The following BRIP1 variants were observed in gnomAD, a reference collection of about 807,000 sequenced individuals.
The protein encoded by BRIP1 is Fanconi anemia group J protein.
A neutral mutation model predicts 119.7 loss-of-function variants in BRIP1; 88 were observed. That is an observed-to-expected ratio of 0.74 (90% CI 0.62 to 0.88). The LOEUF is 0.88. Among genes scored for constraint, BRIP1 ranks in the 40% least tolerant of loss-of-function variants. BRIP1 has a pLI of 0.00. For missense variants in BRIP1, 1,259 were observed against 1,455.4 expected, an observed-to-expected ratio of 0.87 and a Z score of 2.20; for synonymous variants, 443 against 496.5, an observed-to-expected ratio of 0.89 and a Z score of 1.43.
chr17:61,743,229 T>G lies in BRIP1; in HGVS notation c.2258-95A>C. Reference sequence around the variant, plus strand: ...TGATTTATAATTATAGTAATTACAGTAGCAAATTTAAAATAATCAAAATAA... The same window carrying G: ...TGATTTATAATTATAGTAATTACAGGAGCAAATTTAAAATAATCAAAATAA... On this transcript the variant is annotated intron_variant, in intron 15 of 19. Coordinates refer to ENST00000259008, the MANE Select transcript of BRIP1 (RefSeq NM_032043.3). This position sits in a 1 kb window ranked among gnomAD's most constrained non-coding sequence, Gnocchi z 4.3. 1 of 1,406,116 alleles carries G rather than the reference T, an allele frequency of 7.1e-7. No homozygotes were observed. The highest frequency in any genetic ancestry group is 2.5e-5 in the East Asian group (1 of 40,340). The allele number at this position is 1,406,116 out of a possible 1,614,324, so 87.1% of individuals were successfully genotyped here.
rs773532701 is a variant in BRIP1 at position 61,857,141 on chromosome 17, T to A, written c.296A>T (p.Asp99Val). Residue 99 changes from aspartate to valine, a missense_variant, in exon 4 of 20, where the codon GAC becomes GTC. Asp to Val is a radical substitution (Grantham distance 152). Transcript: ENST00000259008. This position sits in a 1 kb window ranked among gnomAD's most constrained non-coding sequence, Gnocchi z 5.1. ...ACHSKDFTNN[D>V]MNQGTSRHFN... ...ATGACGTGAAGTTCCTTGGTTCATG[T>A]CATTGTTTGTAAAATCCTTTGAATG... 6.2e-7 allele frequency: 1 copy of A among 1,614,052 alleles called. No homozygotes were observed.
rs1042597342 is a variant in BRIP1 at position 61,756,361 on chromosome 17, T to C, written c.2098-11770A>G. Among the ~76,000 whole-genome samples the C allele has an allele frequency of 2.6e-5, 4 of 152,220 alleles. No homozygotes were observed. Among genetic ancestry groups the C allele is most frequent in the South Asian group, 2.1e-4 (1 of 4,834 alleles). Reference sequence around the variant, plus strand: ...ACACAGAGCTGTCTCTCAGGTCTTATGGCTTACATATATGAAAAATGTGAG... The same window carrying C: ...ACACAGAGCTGTCTCTCAGGTCTTACGGCTTACATATATGAAAAATGTGAG... On this transcript the variant is annotated intron_variant, in intron 14 of 19. Coordinates refer to ENST00000259008, the MANE Select transcript of BRIP1 (RefSeq NM_032043.3). The surrounding 1 kb of genome is among the most constrained non-coding windows in gnomAD (Gnocchi z 4.3).
chr17:61,783,402 T>C (rs1351682237), intron 11 of BRIP1, among the ~76,000 whole-genome samples: 1 of 152,108 alleles, frequency 6.6e-6, no homozygotes, highest in African/African-American at 2.4e-5. Context: ...GGGGAAAGAC[T>C]CTAGGGGTTA....
Position 61,699,585 on chromosome 17 carries a change from G to A in BRIP1, c.2493-6073C>T, listed in dbSNP as rs2061581368. Among the ~76,000 whole-genome samples the A allele has an allele frequency of 6.6e-6, 1 of 152,068 alleles. No individual in the cohort carries two copies. Among genetic ancestry groups the A allele is most frequent in the Non-Finnish European group, 1.5e-5 (1 of 68,028 alleles). On this transcript the variant is annotated intron_variant, in intron 17 of 19. Transcript: ENST00000259008. The surrounding 1 kb of genome is among the most constrained non-coding windows in gnomAD (Gnocchi z 4.8). Reference sequence around the variant, plus strand: ...CATCTGTCACCTTTGGGTTGTTATTGTCATATAAATTATATCTTTAAACAT... The same window carrying A: ...CATCTGTCACCTTTGGGTTGTTATTATCATATAAATTATATCTTTAAACAT...
chr17:61,858,437 G>A (rs905788380), intron 3 of BRIP1, among the ~76,000 whole-genome samples: 2 of 150,966 alleles, frequency 1.3e-5, no homozygotes, highest in African/African-American at 2.4e-5. Flanking sequence ...GCAATGGCGC[G>A]ATCTCGGCTC....
At position 61,803,367 on chromosome 17, in the gene BRIP1, G is replaced by T. The variant is rs746717169; in HGVS notation, c.919-1893C>A. ...CCAAAGTGCTGGGGATTACAGGCAT[G>T]AGCCACTGCACTCCACCCCATTCTA... is the stretch of plus-strand genomic sequence containing the variant. On this transcript the variant is annotated intron_variant, in intron 7 of 19. Transcript: ENST00000259008. The surrounding 1 kb of genome is among the most constrained non-coding windows in gnomAD (Gnocchi z 4.3). Among the ~76,000 whole-genome samples, 14 of 152,180 alleles carry T rather than the reference G, an allele frequency of 9.2e-5. No homozygotes were observed. Among genetic ancestry groups the T allele is most frequent in the Middle Eastern group, 3.4e-3 (1 of 294 alleles).
chr17:61,733,336 A>G (rs1468478339), intron 16 of BRIP1, among the ~76,000 whole-genome samples: 5 of 152,202 alleles, frequency 3.3e-5, no homozygotes, highest in Non-Finnish European at 7.3e-5. Context: ...TGGGCAATAT[A>G]GTGAGACTCT....
rs1279415150 is a variant in BRIP1, at chr17:61,738,177, G to T, written c.2379+4836C>A. Among the ~76,000 whole-genome samples the T allele has an allele frequency of 6.6e-6, 1 of 152,132 alleles. No individual in the cohort carries two copies. The highest frequency in any genetic ancestry group is 1.5e-5 in the Non-Finnish European group (1 of 68,014). Reference sequence around the variant, plus strand: ...AAAATCGAGAGAGCCAACCAACCAAGCCCAAGCCTAGATCATCTGTCACCC... The same window carrying T: ...AAAATCGAGAGAGCCAACCAACCAATCCCAAGCCTAGATCATCTGTCACCC... On this transcript the variant is annotated intron_variant, in intron 16 of 19. Coordinates refer to ENST00000259008, the MANE Select transcript of BRIP1 (RefSeq NM_032043.3). This position sits in a 1 kb window ranked among gnomAD's most constrained non-coding sequence, Gnocchi z 4.2.
At position 61,735,737 on chromosome 17, in the gene BRIP1, G is replaced by T. The variant is rs1045620610; in HGVS notation, c.2379+7276C>A. ...GATCACCTGAGCCCGAGAGGCCAAGGCTGCAGTGACCCATGACCGCACCAC... is the reference window on the plus strand; with the variant it reads ...GATCACCTGAGCCCGAGAGGCCAAGTCTGCAGTGACCCATGACCGCACCAC... On this transcript the variant is annotated intron_variant, in intron 16 of 19. Transcript: ENST00000259008. This position sits in a 1 kb window ranked among gnomAD's most constrained non-coding sequence, Gnocchi z 4.4. Among the ~76,000 whole-genome samples, 1 of 152,014 alleles carries T rather than the reference G, an allele frequency of 6.6e-6. No individual in the cohort carries two copies.
rs2145030486 is a variant in BRIP1, at chr17:61,776,485, C to A, written c.2013G>T (p.Glu671Asp). 6.2e-7 allele frequency: 1 copy of A among 1,614,182 alleles called. No individual in the cohort carries two copies. Among genetic ancestry groups the A allele is most frequent in the African/African-American group, 1.3e-5 (1 of 75,066 alleles). Reference sequence around the variant, plus strand: ...AAAGTGCTCCCACTTCATCTTGGAACTCAAATGTTTCAGTATTCTGGAAGG... The same window carrying A: ...AAAGTGCTCCCACTTCATCTTGGAAATCAAATGTTTCAGTATTCTGGAAGG... ...CATFQNTETF[E>D]FQDEVGALLL... Residue 671 changes from glutamate to aspartate, a missense_variant, in exon 14 of 20, where the codon GAG becomes GAT. By Grantham distance (45) the Glu-to-Asp change is conservative. This residue lies in a region of BRIP1 where 753 missense variants were observed against 891.8 expected (regional missense o/e 0.84). Coordinates refer to ENST00000259008, the MANE Select transcript of BRIP1 (RefSeq NM_032043.3). This position sits in a 1 kb window ranked among gnomAD's most constrained non-coding sequence, Gnocchi z 5.0.
intron 10 of BRIP1, among the ~76,000 whole-genome samples, chr17:61,790,823 G>T (rs1038536672): frequency 4.6e-5 from 7 of 151,690 alleles, no homozygotes; most frequent in Admixed American, 2.6e-4. Context: ...AGACAACAGG[G>T]TCTTTGTTGC....
rs1358435943 is a variant in BRIP1, at chr17:61,744,731, A to G, written c.2098-140T>C. ...TCATTTATAAAATGAGGAAAACAAT[A>G]TATCTCATAGAGCTGTTATGGGGTT... On this transcript the variant is annotated intron_variant, in intron 14 of 19. Transcript: ENST00000259008. The surrounding 1 kb of genome is among the most constrained non-coding windows in gnomAD (Gnocchi z 5.0). 34 of 793,962 alleles carry G rather than the reference A, an allele frequency of 4.3e-5. No individual in the cohort carries two copies. The Admixed American group carries it at 6.6e-4, about 15-fold the overall frequency. The allele number at this position is 793,962 out of a possible 1,614,324, so 49.2% of individuals were successfully genotyped here. A position where few individuals can be genotyped will look rare whatever the true frequency, so the allele number is the denominator to read the frequency against.
At position 61,689,410 on chromosome 17, in the gene BRIP1, C is replaced by T. The variant is rs573312375; in HGVS notation, c.2576-3245G>A. On this transcript the variant is annotated intron_variant, in intron 18 of 19. Coordinates refer to ENST00000259008, the MANE Select transcript of BRIP1 (RefSeq NM_032043.3). This position sits in a 1 kb window ranked among gnomAD's most constrained non-coding sequence, Gnocchi z 4.5. ...GAAAAAAAAAAGTGAAGGCTTATGG[C>T]TTCATTTATGACTTGACTTATGGGG... 1.8e-3 allele frequency among the ~76,000 whole-genome samples: 273 copies of T among 152,192 alleles called. No homozygotes were observed. Among genetic ancestry groups the T allele is most frequent in the Middle Eastern group, 6.8e-3 (2 of 294 alleles).
chr17:61,839,149 C>A (rs1048107478), intron 6 of BRIP1, among the ~76,000 whole-genome samples: 1 of 151,870 alleles, frequency 6.6e-6, no homozygotes. Context: ...ATTATTTTTT[C>A]TTATATTACA....
intron 14 of BRIP1, among the ~76,000 whole-genome samples, chr17:61,773,434 C>G (rs1043021600): frequency 6.6e-6 from 1 of 152,062 alleles, no homozygotes; most frequent in East Asian, 1.9e-4. Flanking sequence ...AGACTTAAAT[C>G]TTAGACCTAA....
chr17:61,847,457 G>T (rs553130400), intron 5 of BRIP1, among the ~76,000 whole-genome samples: 1 of 152,138 alleles, frequency 6.6e-6, no homozygotes, highest in Non-Finnish European at 1.5e-5. Context: ...TTTAATTAGT[G>T]ATGTATCAAA....
intron 16 of BRIP1, among the ~76,000 whole-genome samples, chr17:61,731,680 A>G (rs1002066175): frequency 6.6e-6 from 1 of 152,122 alleles, no homozygotes; most frequent in Non-Finnish European, 1.5e-5. Context: ...GTCAGGTTAA[A>G]TATCACTTCC....
rs1567833444 is a variant in BRIP1, at chr17:61,803,109, T to TG, written c.919-1636_919-1635insC. On this transcript the variant is annotated intron_variant, in intron 7 of 19. Transcript: ENST00000259008. The surrounding 1 kb of genome is among the most constrained non-coding windows in gnomAD (Gnocchi z 4.3). ...TGCCATTCTATTACCTTTTTTTTTT[T>TG]CAGAGATGGGAGTCTCACTCTGTCA... Among the ~76,000 whole-genome samples the TG allele has an allele frequency of 2.0e-5, 3 of 151,994 alleles. No homozygotes were observed. Among genetic ancestry groups the TG allele is most frequent in the African/African-American group, 4.8e-5 (2 of 41,442 alleles).
intron 17 of BRIP1, among the ~76,000 whole-genome samples, chr17:61,712,937 C>A (rs551294922): frequency 1.5e-4 from 23 of 151,908 alleles, no homozygotes; most frequent in African/African-American, 5.3e-4. Context: ...TGCACAAAAC[C>A]TAATTATAGC....
Sources: gnomAD v4.1 joint callset for allele counts (sites outside exome capture counted in the v4.1 genomes callset) on GRCh38, gnomAD v4.1.1 for gene constraint, gnomAD v4.1.1 regional missense constraint, Gnocchi (gnomAD v3.1) non-coding constraint, MANE v1.5 for transcripts, NCBI Gene and HGNC (gene_info 2026-07-23, HGNC 2026-07-21) for gene names.